Variants in EIF5 observed in about 807,000 individuals in gnomAD.
EIF5 encodes eukaryotic translation initiation factor 5.
Under a neutral mutation model 48.3 loss-of-function variants are expected in EIF5, and 10 were observed. That is an observed-to-expected ratio of 0.21 (90% CI 0.13 to 0.35). The LOEUF (loss-of-function observed/expected upper bound fraction) is 0.35. EIF5 is among the 10% of genes least tolerant of loss of function. The probability of loss-of-function intolerance (pLI) is 1.00; values close to 1 mark genes in which losing one functional copy is unlikely to be tolerated. For synonymous variants in EIF5, 237 were observed against 173.1 expected (o/e 1.37, Z -2.90); for missense variants, 397 against 533.2 (o/e 0.74, Z 2.51).
intron 11 of EIF5, 101 bp from the exon 12 acceptor site, chr14:103,340,862 T>A (rs2089345268): frequency 2.6e-6 from 3 of 1,163,378 alleles, no homozygotes; most frequent in Non-Finnish European, 3.8e-6. Context: ...AAGAAATAGC[T>A]GCATCTAGGC....
intron 6 of EIF5, chr14:103,337,890 A>G (rs772924687): frequency 7.7e-6 from 4 of 521,722 alleles, no homozygotes; most frequent in African/African-American, 3.8e-5. Context: ...GTCTGACACA[A>G]TTTGAGCTTG....
At chr14:103,339,515 G>C in intron 9 of EIF5, 124 bp from the exon 10 acceptor site, 1 of 1,461,330 alleles carries the variant, frequency 6.8e-7, no homozygotes, top group South Asian at 1.3e-5. Flanking sequence ...GGATGTTTAT[G>C]CATTGACCTT....
At position 103,341,924 on chromosome 14, in the gene EIF5, G is replaced by GA. The variant is rs1357280372; in HGVS notation, c.*873dup. The GA allele has an allele frequency of 6.6e-6, 1 of 152,652 alleles. No homozygotes were observed. Among genetic ancestry groups the GA allele is most frequent in the Non-Finnish European group, 1.5e-5 (1 of 68,028 alleles). 9.5% of individuals were successfully genotyped at this position (152,652 alleles called of 1,614,324 possible). Reference sequence around the variant, plus strand: ...TGCACTTAACTAGCAACCTAAGCATGATTTTTCAGCTTTTGCCCTTAGGGT... The same window carrying GA: ...TGCACTTAACTAGCAACCTAAGCATGAATTTTTCAGCTTTTGCCCTTAGGGT... On this transcript the variant is annotated 3_prime_UTR_variant, in exon 12 of 12. Coordinates refer to ENST00000216554, the MANE Select transcript of EIF5 (RefSeq NM_001969.5).
In EIF5 at chr14:103,338,397, T is replaced by C; in HGVS notation, c.510T>C (p.Asn170=). The change falls in exon 7 of 12, where the codon AAT becomes AAC. Residue 170 remains asparagine, a synonymous_variant. Transcript: ENST00000216554. The stretch of plus-strand genomic sequence containing the variant: ...ACAGAAAGGGCAAAGACAAGGAAAA[T>C]GGCTCCGTATCCAGCAGTGAGACAC... ...KKNRKGKDKE[N]GSVSSSETPP... is the part of the protein sequence containing the mutation. 6.2e-7 allele frequency: 1 copy of C among 1,611,046 alleles called. No individual in the cohort carries two copies. The highest frequency in any genetic ancestry group is 8.5e-7 in the Non-Finnish European group (1 of 1,178,352).
At position 103,341,552 on chromosome 14, in the gene EIF5, T is replaced by TA. The variant is rs2089352805; in HGVS notation, c.*503dup. On this transcript the variant is annotated 3_prime_UTR_variant, in exon 12 of 12. Transcript: ENST00000216554. Reference sequence around the variant, plus strand: ...TTTATTCAGCCCATTAAGAAAGTACTAAAGTTTTATCTCTGTAGTTCCTCA... The same window carrying TA: ...TTTATTCAGCCCATTAAGAAAGTACTAAAAGTTTTATCTCTGTAGTTCCTCA... 1 of 155,754 alleles carries TA rather than the reference T, an allele frequency of 6.4e-6. No homozygotes were observed. The highest frequency in any genetic ancestry group is 2.4e-5 in the African/African-American group (1 of 41,472). The allele number at this position is 155,754 out of a possible 1,614,324, so 9.6% of individuals were successfully genotyped here. A position where few individuals can be genotyped will look rare whatever the true frequency, so the allele number is the denominator to read the frequency against.
At chr14:103,338,292 T>A (rs370676085) in intron 6 of EIF5, 35 bp from the exon 7 acceptor site, 11 of 1,604,184 alleles carry the variant, frequency 6.9e-6, no homozygotes, top group Non-Finnish European at 9.4e-6. Flanking sequence ...ATGTAAGTTA[T>A]GGGGTTAAAT....
chr14:103,342,944 C>G lies in EIF5; in HGVS notation c.*1892C>G, dbSNP rs1407433458. 1 of 152,624 alleles carries G rather than the reference C, an allele frequency of 6.6e-6. No homozygotes were observed. Among genetic ancestry groups the G allele is most frequent in the African/African-American group, 2.4e-5 (1 of 41,458 alleles). The allele number at this position is 152,624 out of a possible 1,614,324, so 9.5% of individuals were successfully genotyped here. A position where few individuals can be genotyped will look rare whatever the true frequency, so the allele number is the denominator to read the frequency against. ...ATGAGGTTCTATTATAAAGGTTCTA[C>G]TTTTAATCTGAGGGAAAACATGTTC... On this transcript the variant is annotated 3_prime_UTR_variant, in exon 12 of 12. Transcript: ENST00000216554.
intron 10 of EIF5, among the ~76,000 whole-genome samples, chr14:103,340,043 G>A (rs1404634462): frequency 1.3e-5 from 2 of 152,134 alleles, no homozygotes; most frequent in South Asian, 2.1e-4. Flanking sequence ...ATTTTTAGTA[G>A]ATGGGGTTTT....
chr14:103,337,740 T>C (rs2089304877), intron 6 of EIF5: 6 of 429,178 alleles, frequency 1.4e-5, no homozygotes, highest in Non-Finnish European at 2.3e-5. Context: ...TAAGACATTA[T>C]CTGAGGGTAG....
At chr14:103,337,296 G>GT (rs1425281677) in intron 6 of EIF5, 69 bp downstream of exon 6, 8 of 1,361,328 alleles carry the variant, frequency 5.9e-6, no homozygotes, top group Admixed American at 2.2e-5. Flanking sequence ...AAAATAGAAG[G>GT]TTTTTTTGTA....
intron 8 of EIF5, 119 bp downstream of exon 8, chr14:103,339,012 T>A (rs1338801305): frequency 3.4e-6 from 5 of 1,486,214 alleles, no homozygotes; most frequent in Non-Finnish European, 1.8e-6. Flanking sequence ...TTAGAACTCT[T>A]GTTCATTTAA....
Position 103,341,115 on chromosome 14 carries a change from A to C in EIF5, c.*63A>C. On this transcript the variant is annotated 3_prime_UTR_variant, in exon 12 of 12. Transcript: ENST00000216554. ...CAAATTTTCCTCCATTATCAGCCAG[A>C]AGTGCAACATGTATGTGCAAAAGCT... 6.8e-7 allele frequency: 1 copy of C among 1,481,082 alleles called. No homozygotes were observed. Among genetic ancestry groups the C allele is most frequent in the South Asian group, 1.1e-5 (1 of 88,124 alleles). The allele number at this position is 1,481,082 out of a possible 1,614,324, so 91.7% of individuals were successfully genotyped here. A position where few individuals can be genotyped will look rare whatever the true frequency, so the allele number is the denominator to read the frequency against.
Position 103,336,116 on chromosome 14 carries a change from G to T in EIF5, c.153G>T (p.Thr51=). The change falls in exon 4 of 12, where the codon ACG becomes ACT. Residue 51 remains threonine (T), a splice_region_variant and synonymous_variant. Transcript: ENST00000216554. Reference sequence around the variant, plus strand: ...CAAAGGCGCTTAATCGGCCTCCAACGTGTAAGTAAAGCTTGGAAAAGTCCA... The same window carrying T: ...CAAAGGCGCTTAATCGGCCTCCAACTTGTAAGTAAAGCTTGGAAAAGTCCA... ...DVAKALNRPP[T]YPTKYFGCEL... 1 of 1,613,924 alleles carries T rather than the reference G, an allele frequency of 6.2e-7. No homozygotes were observed. The highest frequency in any genetic ancestry group is 1.1e-5 in the South Asian group (1 of 91,038).
intron 7 of EIF5, 24 bp downstream of exon 7, chr14:103,338,496 G>C: frequency 6.4e-7 from 1 of 1,551,316 alleles, no homozygotes; most frequent in Non-Finnish European, 8.7e-7. Context: ...TGATGGCCTA[G>C]TGGGCACTAA....
chr14:103,339,558 C>A, intron 9 of EIF5, 81 bp from the exon 10 acceptor site: 1 of 1,590,574 alleles, frequency 6.3e-7, no homozygotes, highest in Non-Finnish European at 8.6e-7. Context: ...CATGCACTTG[C>A]AGACACTCTT....
In EIF5 at chr14:103,343,768, G is replaced by A. The variant is rs968671877; in HGVS notation, c.*2716G>A. ...TTTGTTAGCTCAGTCAGTCCTCATC[G>A]TGGTCCTGAGGCATAGGTACTGTTG... On this transcript the variant is annotated 3_prime_UTR_variant, in exon 12 of 12. Transcript: ENST00000216554. 1 of 152,212 alleles carries A rather than the reference G, an allele frequency of 6.6e-6. No individual in the cohort carries two copies. Among genetic ancestry groups the A allele is most frequent in the Non-Finnish European group, 1.5e-5 (1 of 68,054 alleles). The allele number at this position is 152,212 out of a possible 1,614,324, so 9.4% of individuals were successfully genotyped here. A position where few individuals can be genotyped will look rare whatever the true frequency, so the allele number is the denominator to read the frequency against.
At chr14:103,337,473 G>C in intron 6 of EIF5, 1 of 477,804 alleles carries the variant, frequency 2.1e-6, no homozygotes, top group Non-Finnish European at 3.7e-6. Flanking sequence ...ATGGTGGTGT[G>C]CTCCTGTAAT....
chr14:103,339,035 CGT>C, intron 8 of EIF5, 135 bp from the exon 9 acceptor site: 3 of 1,470,458 alleles, frequency 2.0e-6, no homozygotes, highest in South Asian at 1.4e-5. Flanking sequence ...ATTTTTTGCG[CGT>C]GATTCCAGGC....
At position 103,339,349 on chromosome 14, in the gene EIF5, T is replaced by C; in HGVS notation, c.906+16T>C. 6.3e-7 allele frequency: 1 copy of C among 1,580,094 alleles called. No individual in the cohort carries two copies. Reference sequence around the variant, plus strand: ...TTTCCTACGAGTAAGCAAAGTGCTCTGGATTCATAAATGAGATTACAGTTG... The same window carrying C: ...TTTCCTACGAGTAAGCAAAGTGCTCCGGATTCATAAATGAGATTACAGTTG... On this transcript the variant is annotated intron_variant, in intron 9 of 11. Coordinates refer to ENST00000216554, the MANE Select transcript of EIF5 (RefSeq NM_001969.5).
Sources: allele counts gnomAD v4.1 joint callset (sites outside exome capture counted in the v4.1 genomes callset), GRCh38; gene constraint gnomAD v4.1.1; transcripts MANE v1.5; gene names NCBI Gene and HGNC (gene_info 2026-07-23, HGNC 2026-07-21).